The following CAMK2G variants were observed in gnomAD, a reference collection of about 807,000 sequenced individuals.
CAMK2G encodes the protein calcium/calmodulin dependent protein kinase II gamma, also known as calcium/calmodulin-dependent protein kinase type II subunit gamma.
Under a neutral mutation model 88.7 loss-of-function variants are expected in CAMK2G, and 23 were observed. The observed-to-expected ratio is 0.26, with a 90% CI of 0.19 to 0.37. CAMK2G has a LOEUF of 0.37. Ranked by LOEUF, CAMK2G falls within the 10% of genes least tolerant of loss-of-function variation. The probability of loss-of-function intolerance (pLI) is 1.00; values close to 1 mark genes in which losing one functional copy is unlikely to be tolerated. For synonymous variants in CAMK2G, 263 were observed against 294.8 expected, an observed-to-expected ratio of 0.89 and a Z score of 1.11; for missense variants, 476 against 780.8, an observed-to-expected ratio of 0.61 and a Z score of 4.65.
chr10:73,867,367 G>A (rs888854713), intron 2 of CAMK2G, among the ~76,000 whole-genome samples: 1 of 152,248 alleles, frequency 6.6e-6, no homozygotes, highest in Non-Finnish European at 1.5e-5. Context: ...CTGCTCTCAA[G>A]GGCCAGAAAA....
intron 9 of CAMK2G, 57 bp from the exon 10 acceptor site, chr10:73,847,404 C>CA: frequency 6.3e-7 from 1 of 1,588,038 alleles, no homozygotes; most frequent in Non-Finnish European, 8.6e-7. Context: ...TACCCTGCAA[C>CA]ACTGGTTCTG....
chr10:73,860,784 T>C, intron 3 of CAMK2G, 46 bp downstream of exon 3: 2 of 1,418,670 alleles, frequency 1.4e-6, no homozygotes, highest in Non-Finnish European at 2.0e-6. Context: ...CTGTTATCCC[T>C]GCTTCTACAA....
intron 17 of CAMK2G, 139 bp from the exon 18 acceptor site, chr10:73,821,869 TCTGA>T (rs2088950761): frequency 2.9e-6 from 2 of 692,900 alleles, no homozygotes; most frequent in Non-Finnish European, 5.1e-6. Flanking sequence ...ACCCTGGCTG[TCTGA>T]CTCTTCCCAA....
intron 15 of CAMK2G, 102 bp from the exon 16 acceptor site, chr10:73,825,449 T>A: frequency 1.1e-6 from 1 of 874,304 alleles, no homozygotes. Context: ...CTGGAGGAGG[T>A]AGGCCTGAGG....
intron 5 of CAMK2G, among the ~76,000 whole-genome samples, chr10:73,849,780 G>A (rs1371206917): frequency 6.6e-6 from 1 of 152,172 alleles, no homozygotes; most frequent in Non-Finnish European, 1.5e-5. Context: ...CTACTTTGGC[G>A]GTGGGTGCAC....
chr10:73,873,256 G>A (rs2095904854), intron 1 of CAMK2G, 173 bp from the exon 2 acceptor site: 2 of 1,091,030 alleles, frequency 1.8e-6, no homozygotes, highest in Non-Finnish European at 2.6e-6. Context: ...AAAAGGACGC[G>A]GCCACCGCAG....
At chr10:73,835,333 A>C (rs2093066249) in intron 14 of CAMK2G, among the ~76,000 whole-genome samples, 1 of 150,508 alleles carries the variant, frequency 6.6e-6, no homozygotes. Flanking sequence ...TTTCACTGTC[A>C]CCCAGGCTGG....
At chr10:73,836,960 G>C (rs1019722774) in intron 14 of CAMK2G, 3 of 161,474 alleles carry the variant, frequency 1.9e-5, no homozygotes, top group African/African-American at 7.2e-5. Flanking sequence ...GAGCCTATGC[G>C]TCAAGAAAGC....
At chr10:73,860,180 T>G (rs549498174) in intron 3 of CAMK2G, among the ~76,000 whole-genome samples, 2 of 152,320 alleles carry the variant, frequency 1.3e-5, no homozygotes, top group South Asian at 2.1e-4. Flanking sequence ...AAAGTAAAAC[T>G]GAGCCAGAGT....
chr10:73,814,800 C>A (rs771347716), intron 22 of CAMK2G: 53 of 582,216 alleles, frequency 9.1e-5, no homozygotes, highest in Non-Finnish European at 1.4e-4. Context: ...TGTCTGAGGT[C>A]ATCCAATTTG....
At chr10:73,868,597 C>T (rs528920851) in intron 2 of CAMK2G, among the ~76,000 whole-genome samples, 1 of 152,326 alleles carries the variant, frequency 6.6e-6, no homozygotes, top group African/African-American at 2.4e-5. Context: ...CATGGTTTCG[C>T]ACACAGCCTC....
At chr10:73,847,624 T>C (rs375971314) in intron 9 of CAMK2G, among the ~76,000 whole-genome samples, 1 of 152,216 alleles carries the variant, frequency 6.6e-6, no homozygotes, top group East Asian at 1.9e-4. Flanking sequence ...GCTCTATACT[T>C]AGGAGGGAAC....
intron 14 of CAMK2G, among the ~76,000 whole-genome samples, chr10:73,828,610 G>A (rs2133799417): frequency 6.6e-6 from 1 of 152,294 alleles, no homozygotes; most frequent in South Asian, 2.1e-4. Context: ...TTCTGACTTC[G>A]CTGCATCCCT....
chr10:73,814,681 G>T, intron 22 of CAMK2G, 176 bp from the exon 23 acceptor site: 1 of 289,800 alleles, frequency 3.5e-6, no homozygotes, highest in Non-Finnish European at 6.7e-6. Context: ...CTAACTAAGT[G>T]CTTTACTTAT....
chr10:73,871,967 T>C, intron 2 of CAMK2G, among the ~76,000 whole-genome samples: 1 of 152,216 alleles, frequency 6.6e-6, no homozygotes, highest in South Asian at 2.1e-4. Flanking sequence ...CCAAAGCCCA[T>C]GTCTTCCCCA....
intron 2 of CAMK2G, among the ~76,000 whole-genome samples, chr10:73,870,939 C>T (rs1455067613): frequency 6.6e-6 from 1 of 152,180 alleles, no homozygotes; most frequent in African/African-American, 2.4e-5. Context: ...CCCTCCATCT[C>T]CAAGACAGCC....
At chr10:73,849,384 T>G in intron 5 of CAMK2G, 51 bp from the exon 6 acceptor site, 1 of 1,295,522 alleles carries the variant, frequency 7.7e-7, no homozygotes, top group Non-Finnish European at 1.1e-6. Context: ...AACCACCTCA[T>G]CCACATCCAC....
intron 14 of CAMK2G, among the ~76,000 whole-genome samples, chr10:73,834,518 C>T (rs1254733482): frequency 6.6e-6 from 1 of 152,206 alleles, no homozygotes; most frequent in African/African-American, 2.4e-5. Context: ...CTCAGGGTTC[C>T]TGGAAGAGCT....
At chr10:73,874,274 A>C (rs1211160974) in intron 1 of CAMK2G, 123 bp downstream of exon 1, 1 of 354,746 alleles carries the variant, frequency 2.8e-6, no homozygotes, top group African/African-American at 7.7e-5. Context: ...CGGGCGGGAA[A>C]GGCGGGGGTG....
Sources: allele counts gnomAD v4.1 joint callset (sites outside exome capture counted in the v4.1 genomes callset), GRCh38; gene constraint gnomAD v4.1.1; transcripts MANE v1.5; gene names NCBI Gene and HGNC (gene_info 2026-07-23, HGNC 2026-07-21).